VPS13B: variants seen among roughly 807,000 people sequenced by gnomAD.
VPS13B encodes the protein intermembrane lipid transfer protein VPS13B.
VPS13B carries 285 observed loss-of-function variants against 426.4 expected under a neutral mutation model. That is an observed-to-expected ratio of 0.67 (90% CI 0.61 to 0.74). VPS13B has a LOEUF of 0.74. Ranked by LOEUF, VPS13B falls within the 30% of genes least tolerant of loss-of-function variation. The pLI is 0.00. For missense variants in VPS13B, 4,537 were observed against 4,782.6 expected, an observed-to-expected ratio of 0.95 and a Z score of 1.51; for synonymous variants, 1,676 against 1,676.4, an observed-to-expected ratio of 1.00 and a Z score of 0.01.
intron 51 of VPS13B, among the ~76,000 whole-genome samples, chr8:99,824,562 T>A (rs920402487): frequency 7.2e-5 from 11 of 152,140 alleles, no homozygotes; most frequent in Admixed American, 2.0e-4. Context: ...GAGAGATTTT[T>A]TTTTCTCTCC....
chr8:99,584,010 G>A (rs1308590477), intron 33 of VPS13B, among the ~76,000 whole-genome samples: 1 of 152,064 alleles, frequency 6.6e-6, no homozygotes, highest in East Asian at 1.9e-4. Flanking sequence ...TGAGTATTTT[G>A]TTTCCTTTCA....
At chr8:99,643,315 T>C (rs1026880184) in intron 34 of VPS13B, among the ~76,000 whole-genome samples, 2 of 152,202 alleles carry the variant, frequency 1.3e-5, no homozygotes, top group African/African-American at 4.8e-5. Context: ...TCAGGCATTT[T>C]ATTGCTTTCA....
intron 25 of VPS13B, among the ~76,000 whole-genome samples, chr8:99,486,284 G>A (rs915741475): frequency 6.6e-6 from 1 of 152,008 alleles, no homozygotes; most frequent in Non-Finnish European, 1.5e-5. Flanking sequence ...GGAGTGCAGT[G>A]GCGCGATCTC....
intron 17 of VPS13B, among the ~76,000 whole-genome samples, chr8:99,239,908 A>AT (rs916112223): frequency 5.3e-5 from 8 of 152,248 alleles, no homozygotes; most frequent in African/African-American, 1.9e-4. Flanking sequence ...TTTAGATGGT[A>AT]TTTTGGTGGC....
intron 36 of VPS13B, among the ~76,000 whole-genome samples, chr8:99,706,901 G>A (rs1370275678): frequency 6.6e-6 from 1 of 152,126 alleles, no homozygotes; most frequent in South Asian, 2.1e-4. Context: ...AGCATTTAGT[G>A]TTGCCTGTGG....
At chr8:99,026,286 C>T (rs576750559) in intron 2 of VPS13B, among the ~76,000 whole-genome samples, 3 of 152,118 alleles carry the variant, frequency 2.0e-5, no homozygotes, top group South Asian at 2.1e-4. Flanking sequence ...GTTTAATTTT[C>T]GTGTATTTGT....
intron 33 of VPS13B, among the ~76,000 whole-genome samples, chr8:99,634,542 C>G (rs7462767): frequency 0.14 from 20,839 of 151,934 alleles, 1,986 homozygotes; most frequent in East Asian, 0.39. Flanking sequence ...TAGTTCTGCT[C>G]TTTTGCATAA....
At chr8:99,703,455 A>G (rs1324308625) in intron 36 of VPS13B, among the ~76,000 whole-genome samples, 5 of 152,126 alleles carry the variant, frequency 3.3e-5, no homozygotes, top group African/African-American at 1.2e-4. Context: ...AGTAGAGGTA[A>G]TGCTTGTATT....
At chr8:99,591,416 C>T (rs1826668343) in intron 33 of VPS13B, among the ~76,000 whole-genome samples, 1 of 151,906 alleles carries the variant, frequency 6.6e-6, no homozygotes, top group Admixed American at 6.6e-5. Flanking sequence ...GGTTATTTTG[C>T]CCGTTAAATG....
chr8:99,179,213 C>G (rs1026452689), intron 16 of VPS13B, among the ~76,000 whole-genome samples: 1 of 152,068 alleles, frequency 6.6e-6, no homozygotes, highest in African/African-American at 2.4e-5. Context: ...TTTCTTGATA[C>G]TTTAAGAATT....
intron 16 of VPS13B, among the ~76,000 whole-genome samples, chr8:99,178,703 C>T (rs1812775010): frequency 6.6e-6 from 1 of 151,954 alleles, no homozygotes; most frequent in African/African-American, 2.4e-5. Flanking sequence ...CTCACTGCAA[C>T]CTCTATCTCC....
intron 19 of VPS13B, among the ~76,000 whole-genome samples, chr8:99,299,192 G>C (rs1371190673): frequency 6.6e-6 from 1 of 150,948 alleles, no homozygotes; most frequent in South Asian, 2.1e-4. Context: ...CTCCTGAGTA[G>C]CTGGGATTAC....
At chr8:99,619,886 GATA>G (rs60817713) in intron 33 of VPS13B, among the ~76,000 whole-genome samples, 1,602 of 146,816 alleles carry the variant, frequency 0.011, 24 homozygotes, top group East Asian at 0.049. Context: ...AAATGATGAT[GATA>G]ATAATAATAA....
At chr8:99,753,921 C>T (rs1810515266) in intron 39 of VPS13B, among the ~76,000 whole-genome samples, 1 of 152,126 alleles carries the variant, frequency 6.6e-6, no homozygotes, top group Non-Finnish European at 1.5e-5. Flanking sequence ...AGCTGTACCC[C>T]TTCACCACAG....
At chr8:99,781,836 C>A (rs1416997331) in intron 42 of VPS13B, among the ~76,000 whole-genome samples, 1 of 152,042 alleles carries the variant, frequency 6.6e-6, no homozygotes, top group African/African-American at 2.4e-5. Context: ...GGATGTGTAA[C>A]TAAGTGGGAG....
At chr8:99,232,092 A>C (rs1413744620) in intron 17 of VPS13B, among the ~76,000 whole-genome samples, 1 of 152,034 alleles carries the variant, frequency 6.6e-6, no homozygotes, top group African/African-American at 2.4e-5. Context: ...GGATACTCAA[A>C]GCACTGCTTT....
At position 99,720,495 on chromosome 8, in the gene VPS13B, A is replaced by T. The variant is rs1445900590; in HGVS notation, c.6808A>T (p.Ser2270Cys). 5.6e-6 allele frequency: 9 copies of T among 1,613,962 alleles called. No individual in the cohort carries two copies. In the Middle Eastern group the frequency reaches 4.9e-4, roughly 88 times the overall value. ...TGTGGAAAAGAATCAGACATTTAAAAGTGAACAAAGTTCAGATGACCTACG... is the reference window on the plus strand; with the variant it reads ...TGTGGAAAAGAATCAGACATTTAAATGTGAACAAAGTTCAGATGACCTACG... ...SPVEKNQTFKSEQSSDDLRTG... is the reference protein window; with the variant it reads ...SPVEKNQTFKCEQSSDDLRTG... The change falls in exon 38 of 62, where the codon AGT becomes TGT. Residue 2270 changes from serine to cysteine, a missense_variant. By Grantham distance (112) the Ser-to-Cys change is moderately radical. This residue lies in a region of VPS13B where 4,311 missense variants were observed against 4,474.3 expected (regional missense o/e 0.96). Transcript: ENST00000357162.
chr8:99,298,303 A>G (rs1047487281), intron 19 of VPS13B, among the ~76,000 whole-genome samples: 1 of 152,124 alleles, frequency 6.6e-6, no homozygotes, highest in Non-Finnish European at 1.5e-5. Flanking sequence ...AGCCTGACCA[A>G]TATGGAGAAA....
intron 17 of VPS13B, among the ~76,000 whole-genome samples, chr8:99,206,906 T>C (rs1814761188): frequency 6.6e-6 from 1 of 152,184 alleles, no homozygotes; most frequent in Non-Finnish European, 1.5e-5. Flanking sequence ...TTTGAGATGT[T>C]ATAAAATTTT....
Sources: gnomAD v4.1 joint callset for allele counts (sites outside exome capture counted in the v4.1 genomes callset) on GRCh38, gnomAD v4.1.1 for gene constraint, gnomAD v4.1.1 regional missense constraint, MANE v1.5 for transcripts, NCBI Gene and HGNC (gene_info 2026-07-23, HGNC 2026-07-21) for gene names.